The following RBFOX1 variants were observed in gnomAD, a reference collection of about 807,000 sequenced individuals.
The protein encoded by RBFOX1 is RNA binding fox-1 homolog 1.
In RBFOX1, 8 loss-of-function variants were observed where a neutral mutation model predicts 57.7. The observed-to-expected ratio is 0.14, with a 90% CI of 0.08 to 0.25. The LOEUF is 0.25. RBFOX1 is among the 10% of genes least tolerant of loss of function. The pLI is 1.00. For missense variants in RBFOX1, 611 were observed against 548.5 expected (o/e 1.11, Z -1.14); for synonymous variants, 326 against 222.4 (o/e 1.47, Z -4.15).
chr16:5,598,583 T>C (rs889967483), intron 2 of RBFOX1, among the ~76,000 whole-genome samples: 2 of 152,256 alleles, frequency 1.3e-5, no homozygotes, highest in African/African-American at 4.8e-5. Context: ...GATATAAAAA[T>C]AATGAAATAT....
At chr16:6,563,683 A>T (rs965039641) in intron 2 of RBFOX1, among the ~76,000 whole-genome samples, 1 of 152,066 alleles carries the variant, frequency 6.6e-6, no homozygotes, top group African/African-American at 2.4e-5. Flanking sequence ...ATCTCTACAA[A>T]AATACAAAAA....
rs559418330 is a variant in RBFOX1 at position 6,000,340 on chromosome 16, G to C, written c.351+133005G>C. The stretch of plus-strand genomic sequence containing the variant: ...CAGACATGATGAAGATCATGCCAAA[G>C]CTCAGCCCTGACCAGGGAGAGGCAG... On this transcript the variant is annotated intron_variant, in intron 4 of 19. Coordinates refer to the RBFOX1 transcript ENST00000641259. Among the ~76,000 whole-genome samples the C allele has an allele frequency of 8.8e-4, 134 of 152,244 alleles. 1 individual carries two copies. The highest frequency in any genetic ancestry group is 1.4e-3 in the Admixed American group (21 of 15,294).
chr16:7,085,242 C>T (rs567429358), intron 4 of RBFOX1, among the ~76,000 whole-genome samples: 1 of 152,160 alleles, frequency 6.6e-6, no homozygotes, highest in South Asian at 2.1e-4. Context: ...TGGATTGATG[C>T]AAACTAGAGA....
intron 5 of RBFOX1, among the ~76,000 whole-genome samples, chr16:7,531,831 G>C (rs975614199): frequency 6.6e-6 from 1 of 151,964 alleles, no homozygotes; most frequent in Non-Finnish European, 1.5e-5. Context: ...TAACAATCCT[G>C]CAAGTCTGTA....
chr16:7,119,277 C>T (rs1158263610), intron 4 of RBFOX1, among the ~76,000 whole-genome samples: 1 of 152,072 alleles, frequency 6.6e-6, no homozygotes, highest in African/African-American at 2.4e-5. Flanking sequence ...TTTGTGTGTA[C>T]ATAATTGACC....
intron 1 of RBFOX1, among the ~76,000 whole-genome samples, chr16:5,318,599 A>AC (rs1253315743): frequency 4.6e-5 from 7 of 152,008 alleles, no homozygotes; most frequent in Non-Finnish European, 1.0e-4. Flanking sequence ...AAACAAACAA[A>AC]AAAACAAAAC....
At chr16:6,669,388 T>A (rs2098750777) in intron 3 of RBFOX1, among the ~76,000 whole-genome samples, 1 of 152,228 alleles carries the variant, frequency 6.6e-6, no homozygotes, top group Non-Finnish European at 1.5e-5. Flanking sequence ...CATAAAGCCA[T>A]AAAAACTGTG....
At chr16:6,871,787 G>A (rs553519385) in intron 3 of RBFOX1, among the ~76,000 whole-genome samples, 2 of 152,074 alleles carry the variant, frequency 1.3e-5, no homozygotes, top group South Asian at 2.1e-4. Flanking sequence ...GCTGATTTTA[G>A]GATCAAGTCT....
intron 2 of RBFOX1, among the ~76,000 whole-genome samples, chr16:5,577,216 A>C (rs189570529): frequency 1.1e-3 from 173 of 152,266 alleles, no homozygotes; most frequent in African/African-American, 4.1e-3. Context: ...CAGCAGTGTA[A>C]TTACTTTTGC....
intron 4 of RBFOX1, among the ~76,000 whole-genome samples, chr16:6,009,358 T>A (rs1176498634): frequency 6.6e-6 from 1 of 152,208 alleles, no homozygotes; most frequent in Admixed American, 6.5e-5. Context: ...AGAAGCACGT[T>A]CCACAGGGCT....
intron 4 of RBFOX1, among the ~76,000 whole-genome samples, chr16:5,976,906 C>T (rs552757135): frequency 4.6e-5 from 7 of 152,126 alleles, no homozygotes; most frequent in Non-Finnish European, 1.0e-4. Context: ...GATGATAAAG[C>T]AAATTAGATG....
chr16:5,301,953 C>G (rs888536762), intron 1 of RBFOX1, among the ~76,000 whole-genome samples: 12 of 151,832 alleles, frequency 7.9e-5, no homozygotes, highest in African/African-American at 2.9e-4. Context: ...TCACTGATTT[C>G]TCTCTCATTT....
intron 1 of RBFOX1, among the ~76,000 whole-genome samples, chr16:6,024,678 G>C (rs9889217): frequency 0.064 from 9,714 of 152,124 alleles, 969 homozygotes; most frequent in African/African-American, 0.22. Context: ...TAGTAGGGAT[G>C]GAGTTTCCCC....
intron 2 of RBFOX1, among the ~76,000 whole-genome samples, chr16:5,579,768 T>G (rs1167703471): frequency 6.6e-6 from 1 of 151,732 alleles, no homozygotes; most frequent in Admixed American, 6.6e-5. Context: ...TTCTTTTTTT[T>G]TTTTTCCTTG....
chr16:5,408,247 G>T (rs187874863), intron 1 of RBFOX1, among the ~76,000 whole-genome samples: 5 of 152,118 alleles, frequency 3.3e-5, no homozygotes, highest in Non-Finnish European at 5.9e-5. Context: ...AAGTGAAAGG[G>T]GCCATACAGA....
At chr16:5,645,346 G>A (rs9931511) in intron 3 of RBFOX1, among the ~76,000 whole-genome samples, 13,170 of 151,998 alleles carry the variant, frequency 0.087, 1,921 homozygotes, top group African/African-American at 0.3. Context: ...CCATTTATAT[G>A]AAGCATCTAG....
chr16:5,928,216 C>T (rs947302694), intron 4 of RBFOX1, among the ~76,000 whole-genome samples: 3 of 151,962 alleles, frequency 2.0e-5, no homozygotes, highest in Admixed American at 2.0e-4. Context: ...GCCTCAGCCT[C>T]CTGAGTAGCT....
intron 3 of RBFOX1, among the ~76,000 whole-genome samples, chr16:5,693,709 C>T (rs1303508837): frequency 1.3e-5 from 2 of 152,204 alleles, no homozygotes; most frequent in Non-Finnish European, 2.9e-5. Flanking sequence ...ATGTCACCTA[C>T]AGTGACTTCC....
At chr16:7,185,143 C>G (rs1316854071) in intron 4 of RBFOX1, among the ~76,000 whole-genome samples, 1 of 152,158 alleles carries the variant, frequency 6.6e-6, no homozygotes, top group Non-Finnish European at 1.5e-5. Context: ...TATGGGAGCA[C>G]TTTGCAAAGT....
Sources: allele counts gnomAD v4.1 joint callset (sites outside exome capture counted in the v4.1 genomes callset), GRCh38; gene constraint gnomAD v4.1.1; transcripts MANE v1.5; gene names NCBI Gene and HGNC (gene_info 2026-07-23, HGNC 2026-07-21).